Variants in KLHL26 observed in about 807,000 individuals in gnomAD.
The protein encoded by KLHL26 is kelch like family member 26, also known as kelch-like protein 26.
In KLHL26, 4 loss-of-function variants were observed where a neutral mutation model predicts 7.1. That is an observed-to-expected ratio of 0.56 (90% confidence interval 0.28 to 1.28). The LOEUF is 1.28. Among genes scored for constraint, KLHL26 ranks in the 50% most tolerant of loss-of-function variants. The probability of loss-of-function intolerance (pLI) is 0.11; values close to 1 mark genes in which losing one functional copy is unlikely to be tolerated. For missense variants in KLHL26, 896 were observed against 924.6 expected (o/e 0.97, Z 0.40); for synonymous variants, 465 against 414.1 (o/e 1.12, Z -1.49).
chr19:18,658,479 G>GTCTCTCTGGGTCTCTGTCTCCC (rs372866593), intron 1 of KLHL26, among the ~76,000 whole-genome samples: 34,900 of 149,394 alleles, frequency 0.23, 4,126 homozygotes, highest in African/African-American at 0.28. Flanking sequence ...TTCTCTCCTT[G>GTCTCTCTGGGTCTCTGTCTCCC]TCTCTCTGGG....
chr19:18,640,720 G>T (rs1976698883), intron 1 of KLHL26, among the ~76,000 whole-genome samples: 1 of 151,528 alleles, frequency 6.6e-6, no homozygotes, highest in Non-Finnish European at 1.5e-5. Context: ...TGTATTTTTA[G>T]TAGAGACGGG....
At chr19:18,661,756 C>T (rs55785071) in intron 1 of KLHL26, among the ~76,000 whole-genome samples, 12,061 of 152,106 alleles carry the variant, frequency 0.079, 558 homozygotes, top group Middle Eastern at 0.16. Context: ...GCTGAGTCTA[C>T]GCAGCTGCCT....
chr19:18,652,106 A>G (rs1197924519), intron 1 of KLHL26, among the ~76,000 whole-genome samples: 1 of 152,138 alleles, frequency 6.6e-6, no homozygotes, highest in African/African-American at 2.4e-5. Context: ...AGTGTGGTGG[A>G]GGGAGAAGGG....
chr19:18,645,584 C>T (rs1976787684), intron 1 of KLHL26, among the ~76,000 whole-genome samples: 1 of 152,186 alleles, frequency 6.6e-6, no homozygotes, highest in South Asian at 2.1e-4. Context: ...GAGCCCAAGG[C>T]AGGCAGATTA....
chr19:18,648,974 T>G lies in KLHL26; in HGVS notation c.83+11837T>G, dbSNP rs1479457270. 6.6e-6 allele frequency among the ~76,000 whole-genome samples: 1 copy of G among 152,148 alleles called. No homozygotes were observed. The highest frequency in any genetic ancestry group is 1.5e-5 in the Non-Finnish European group (1 of 68,008). The stretch of plus-strand genomic sequence containing the variant: ...CCCCTGCCGGCCACCTGCCAGTGGC[T>G]CCCTCACTCTCAGAACAAAATCTAC... On this transcript the variant is annotated intron_variant, in intron 1 of 2. Coordinates refer to ENST00000300976, the MANE Select transcript of KLHL26 (RefSeq NM_018316.3). This position sits in a 1 kb window ranked among gnomAD's most constrained non-coding sequence, Gnocchi z 4.9.
intron 1 of KLHL26, among the ~76,000 whole-genome samples, chr19:18,658,057 C>G (rs1184493022): frequency 1.3e-5 from 2 of 150,080 alleles, no homozygotes; most frequent in African/African-American, 2.5e-5. Flanking sequence ...ACCTTTTACC[C>G]TCGAGGCACG....
intron 1 of KLHL26, among the ~76,000 whole-genome samples, chr19:18,640,359 C>T (rs1416671704): frequency 6.6e-6 from 1 of 151,864 alleles, no homozygotes; most frequent in African/African-American, 2.4e-5. Context: ...CCTCAGCCTT[C>T]CAAGTAGCTG....
chr19:18,638,716 C>G (rs934657588), intron 1 of KLHL26, among the ~76,000 whole-genome samples: 1 of 151,920 alleles, frequency 6.6e-6, no homozygotes, highest in Admixed American at 6.6e-5. Flanking sequence ...TTTTTGAAAC[C>G]CCGTCTCGCT....
intron 1 of KLHL26, among the ~76,000 whole-genome samples, chr19:18,641,713 C>T (rs1380857293): frequency 6.7e-6 from 1 of 149,898 alleles, no homozygotes; most frequent in African/African-American, 2.5e-5. Context: ...ACTGCAACCT[C>T]TGCCTCCCAG....
chr19:18,643,537 G>A (rs1312240062), intron 1 of KLHL26, among the ~76,000 whole-genome samples: 1 of 151,654 alleles, frequency 6.6e-6, no homozygotes, highest in Non-Finnish European at 1.5e-5. Flanking sequence ...ATAGTGCAAT[G>A]GCATGATCTC....
At chr19:18,638,351 C>T (rs1442623260) in intron 1 of KLHL26, among the ~76,000 whole-genome samples, 1 of 152,112 alleles carries the variant, frequency 6.6e-6, no homozygotes, top group Non-Finnish European at 1.5e-5. Context: ...GATGGCTGGG[C>T]CAGGGCACAG....
rs1323878227 is a variant in KLHL26, at chr19:18,669,652, A to G, written c.*407A>G. Reference sequence around the variant, plus strand: ...ATGTGAGCTCATCAACATTGAACCCAAAGTCGGTGGTATATGACTCACCCT... The same window carrying G: ...ATGTGAGCTCATCAACATTGAACCCGAAGTCGGTGGTATATGACTCACCCT... On this transcript the variant is annotated 3_prime_UTR_variant, in exon 3 of 3. Transcript: ENST00000300976. The G allele has an allele frequency of 1.1e-5, 4 of 356,028 alleles. No individual in the cohort carries two copies. The Admixed American group carries it at 1.7e-4, about 15-fold the overall frequency. 22.1% of individuals were successfully genotyped at this position (356,028 alleles called of 1,614,324 possible).
chr19:18,657,402 C>G (rs1254301722), intron 1 of KLHL26, among the ~76,000 whole-genome samples: 2 of 152,010 alleles, frequency 1.3e-5, no homozygotes, highest in Admixed American at 1.3e-4. Context: ...GTCTCTGTCT[C>G]CCTCTCCCTG....
chr19:18,663,028 AC>A (rs1373533324), intron 1 of KLHL26, among the ~76,000 whole-genome samples: 1 of 151,766 alleles, frequency 6.6e-6, no homozygotes, highest in African/African-American at 2.4e-5. Flanking sequence ...GGGCTCCAGC[AC>A]CCCCAGCACC....
In KLHL26 at chr19:18,650,526, C is replaced by G. The variant is rs2052240657; in HGVS notation, c.83+13389C>G. 6.6e-6 allele frequency among the ~76,000 whole-genome samples: 1 copy of G among 152,206 alleles called. No individual in the cohort carries two copies. The highest frequency in any genetic ancestry group is 2.4e-5 in the African/African-American group (1 of 41,458). ...CTGTCCCAGGAGGGCTGCGCTAGGT[C>G]TCTCCTCTGGCTCCCCCTCCTCGGG... On this transcript the variant is annotated intron_variant, in intron 1 of 2. Transcript: ENST00000300976. The surrounding 1 kb of genome is among the most constrained non-coding windows in gnomAD (Gnocchi z 4.2).
chr19:18,667,337 T>C (rs895914284), intron 2 of KLHL26: 11 of 411,492 alleles, frequency 2.7e-5, no homozygotes, highest in Middle Eastern at 7.6e-4. Flanking sequence ...GCCTGGCCTT[T>C]GCATGTTTTT....
At chr19:18,641,986 T>C (rs1976720680) in intron 1 of KLHL26, among the ~76,000 whole-genome samples, 1 of 152,116 alleles carries the variant, frequency 6.6e-6, no homozygotes, top group South Asian at 2.1e-4. Flanking sequence ...GAAAAATCAC[T>C]GTTTGGAGCA....
At chr19:18,660,535 C>T (rs2145401520) in intron 1 of KLHL26, among the ~76,000 whole-genome samples, 1 of 152,328 alleles carries the variant, frequency 6.6e-6, no homozygotes, top group Admixed American at 6.5e-5. Context: ...CGGCCGCCCC[C>T]TGTCTGGACC....
intron 1 of KLHL26, 46 bp from the exon 2 acceptor site, chr19:18,664,215 G>A (rs2052420737): frequency 1.1e-5 from 16 of 1,518,160 alleles, no homozygotes; most frequent in Non-Finnish European, 1.4e-5. Flanking sequence ...GTAATAGTGT[G>A]TGTGTGAACC....
Sources: allele counts gnomAD v4.1 joint callset (sites outside exome capture counted in the v4.1 genomes callset), GRCh38; gene constraint gnomAD v4.1.1; non-coding constraint Gnocchi (gnomAD v3.1); transcripts MANE v1.5; gene names NCBI Gene and HGNC (gene_info 2026-07-23, HGNC 2026-07-21).